LMNB1: variants seen among roughly 807,000 people sequenced by gnomAD.
LMNB1 encodes lamin B1, also known as lamin-B1.
Under a neutral mutation model 67.1 loss-of-function variants are expected in LMNB1, and 23 were observed. The observed-to-expected ratio is 0.34, with a 90% CI of 0.25 to 0.49. The LOEUF (loss-of-function observed/expected upper bound fraction) is 0.49. LMNB1 is among the 20% of genes least tolerant of loss of function. The pLI is 0.99. For missense variants in LMNB1, 634 were observed against 746.5 expected, an observed-to-expected ratio of 0.85 and a Z score of 1.76; for synonymous variants, 281 against 282.9, an observed-to-expected ratio of 0.99 and a Z score of 0.07.
rs34618438 is a variant in LMNB1, at chr5:126,820,839, GTTTTTT to G, written c.1161-62_1161-57del. 13 of 1,050,516 alleles carry G rather than the reference GTTTTTT, an allele frequency of 1.2e-5. No individual in the cohort carries two copies. The East Asian group carries it at 3.6e-4, about 29-fold the overall frequency. 65.1% of individuals were successfully genotyped at this position (1,050,516 alleles called of 1,614,324 possible). ...CTCTGTGCCCAGCCCTTGTTTTTTT[GTTTTTT>G]TTTTTTTTAAGGCGAGAAGGGCATA... is the stretch of plus-strand genomic sequence containing the variant. On this transcript the variant is annotated intron_variant, in intron 6 of 10. Transcript: ENST00000261366.
chr5:126,827,698 G>A (rs575608843), intron 9 of LMNB1, among the ~76,000 whole-genome samples: 2 of 152,242 alleles, frequency 1.3e-5, no homozygotes, highest in African/African-American at 4.8e-5. Context: ...GTCAGGAGAG[G>A]GTCCAGAATT....
At chr5:126,784,923 A>G (rs1278925161) in intron 1 of LMNB1, among the ~76,000 whole-genome samples, 2 of 151,854 alleles carry the variant, frequency 1.3e-5, no homozygotes, top group African/African-American at 2.4e-5. Flanking sequence ...CAGCCTCCCA[A>G]AGTGCTGGGA....
chr5:126,836,012 C>T (rs1286368643), intron 10 of LMNB1, among the ~76,000 whole-genome samples: 2 of 152,078 alleles, frequency 1.3e-5, no homozygotes, highest in East Asian at 3.8e-4. Flanking sequence ...CACCACTGCA[C>T]TCCAGCCTGG....
At chr5:126,791,509 G>C (rs1254590743) in intron 1 of LMNB1, among the ~76,000 whole-genome samples, 1 of 151,940 alleles carries the variant, frequency 6.6e-6, no homozygotes, top group Non-Finnish European at 1.5e-5. Flanking sequence ...CCAGGCTGGA[G>C]TGCAGTGGCA....
intron 3 of LMNB1, among the ~76,000 whole-genome samples, chr5:126,807,551 T>C (rs1482725329): frequency 6.6e-6 from 1 of 151,612 alleles, no homozygotes; most frequent in Non-Finnish European, 1.5e-5. Context: ...GAAAACTCTT[T>C]GGATACTGTA....
Position 126,805,687 on chromosome 5 carries a change from G to C in LMNB1, c.633G>C (p.Met211Ile), listed in dbSNP as rs138778484. The change falls in exon 3 of 11, where the codon ATG (methionine) becomes ATC (isoleucine). Residue 211 changes from methionine (M) to isoleucine (I), a missense_variant. Met to Ile is a conservative substitution (Grantham distance 10, BLOSUM62 1). Transcript: ENST00000261366. ...AGGACTTGGAGTTTCGCAAAAGCAT[G>C]TATGAAGAGGTAACTATATATAATT... ...LTEDLEFRKS[M>I]YEEEINETRR... The C allele has an allele frequency of 3.2e-5, 51 of 1,610,228 alleles. No individual in the cohort carries two copies. Among genetic ancestry groups the C allele is most frequent in the Non-Finnish European group, 4.2e-5 (49 of 1,178,040 alleles).
chr5:126,825,740 A>G (rs1751978891), intron 8 of LMNB1, among the ~76,000 whole-genome samples: 1 of 152,286 alleles, frequency 6.6e-6, no homozygotes, highest in Non-Finnish European at 1.5e-5. Flanking sequence ...TAAAGGAACT[A>G]GGATGTGAGT....
At chr5:126,827,502 AAC>A (rs201423506) in intron 9 of LMNB1, among the ~76,000 whole-genome samples, 4,054 of 152,236 alleles carry the variant, frequency 0.027, 82 homozygotes, top group Non-Finnish European at 0.042. Flanking sequence ...CTCTACTAAA[AAC>A]ACAAGAATTA....
intron 8 of LMNB1, 136 bp from the exon 9 acceptor site, chr5:126,825,852 C>G: frequency 8.7e-7 from 1 of 1,150,120 alleles, no homozygotes; most frequent in Non-Finnish European, 1.3e-6. Context: ...GGCCACATAG[C>G]TGTGTATAGC....
At chr5:126,805,026 T>G (rs1751384210) in intron 2 of LMNB1, 94 bp downstream of exon 2, 1 of 1,145,538 alleles carries the variant, frequency 8.7e-7, no homozygotes. Flanking sequence ...TTTTCAAATG[T>G]ATTTTATTTT....
At chr5:126,810,737 C>G (rs1225258647) in intron 4 of LMNB1, among the ~76,000 whole-genome samples, 1 of 152,222 alleles carries the variant, frequency 6.6e-6, no homozygotes, top group African/African-American at 2.4e-5. Flanking sequence ...CATTAGATCT[C>G]ACTTTCATGT....
At chr5:126,797,259 G>A (rs1027128662) in intron 1 of LMNB1, among the ~76,000 whole-genome samples, 5 of 152,288 alleles carry the variant, frequency 3.3e-5, no homozygotes, top group Non-Finnish European at 7.4e-5. Context: ...TTTTCTGGTT[G>A]CAGTTAGAGT....
chr5:126,782,797 C>T (rs952672559), intron 1 of LMNB1, among the ~76,000 whole-genome samples: 5 of 152,116 alleles, frequency 3.3e-5, no homozygotes, highest in Non-Finnish European at 7.4e-5. Context: ...ATCTGCCCGC[C>T]TCTGCCTCCC....
At chr5:126,806,310 T>G (rs1170883184) in intron 3 of LMNB1, among the ~76,000 whole-genome samples, 1 of 152,250 alleles carries the variant, frequency 6.6e-6, no homozygotes, top group Admixed American at 6.5e-5. Context: ...GTCAACATGT[T>G]TAAGCATTAG....
intron 1 of LMNB1, among the ~76,000 whole-genome samples, chr5:126,785,532 G>T (rs1440080963): frequency 2.8e-5 from 4 of 141,564 alleles, no homozygotes; most frequent in East Asian, 2.2e-4. Context: ...GGTTGCCCAG[G>T]CTTGTCTTGA....
At chr5:126,809,066 G>T (rs1751523513) in intron 3 of LMNB1, among the ~76,000 whole-genome samples, 1 of 151,694 alleles carries the variant, frequency 6.6e-6, no homozygotes, top group Admixed American at 6.6e-5. Context: ...GTAGAGACAG[G>T]GTTTTACCAT....
chr5:126,836,284 C>G lies in LMNB1; in HGVS notation c.*20C>G. 6.4e-7 allele frequency: 1 copy of G among 1,561,326 alleles called. No individual in the cohort carries two copies. Among genetic ancestry groups the G allele is most frequent in the Non-Finnish European group, 8.8e-7 (1 of 1,132,196 alleles). On this transcript the variant is annotated 3_prime_UTR_variant, in exon 11 of 11. Transcript: ENST00000261366. Reference sequence around the variant, plus strand: ...ATGTAAAATTTTCAACTGTCTTCCTCAAAATAAAGAAGTATGGTAATCTTT... The same window carrying G: ...ATGTAAAATTTTCAACTGTCTTCCTGAAAATAAAGAAGTATGGTAATCTTT...
chr5:126,785,721 CCCAACCCTTAGGTTGGGA>C (rs200986853), intron 1 of LMNB1, among the ~76,000 whole-genome samples: 30,872 of 151,368 alleles, frequency 0.2, 3,264 homozygotes, highest in East Asian at 0.3. Context: ...TTAGGTTGGG[CCCAACCCTTAGGTTGGGA>C]CCAGCGGCTC....
At chr5:126,779,156 T>C (rs577679812) in intron 1 of LMNB1, among the ~76,000 whole-genome samples, 1 of 152,320 alleles carries the variant, frequency 6.6e-6, no homozygotes, top group Admixed American at 6.5e-5. Context: ...CTCTGAGATT[T>C]TGTGTATTTT....
Sources: allele counts gnomAD v4.1 joint callset (sites outside exome capture counted in the v4.1 genomes callset), GRCh38; gene constraint gnomAD v4.1.1; transcripts MANE v1.5; gene names NCBI Gene and HGNC (gene_info 2026-07-23, HGNC 2026-07-21).